The following PDSS2 variants were observed in gnomAD, a reference collection of about 807,000 sequenced individuals.
PDSS2 encodes decaprenyl diphosphate synthase subunit 2.
A neutral mutation model predicts 44.5 loss-of-function variants in PDSS2; 31 were observed. The ratio of observed to expected loss-of-function variants is 0.70; its 90% CI spans 0.52 to 0.94. PDSS2 has a LOEUF of 0.94. PDSS2 is among the 40% of genes least tolerant of loss of function. The probability of loss-of-function intolerance (pLI) is 0.00; values close to 1 mark genes in which losing one functional copy is unlikely to be tolerated. For missense variants in PDSS2, 452 were observed against 482.2 expected, an observed-to-expected ratio of 0.94 and a Z score of 0.59; for synonymous variants, 157 against 180.3, an observed-to-expected ratio of 0.87 and a Z score of 1.03.
chr6:107,307,285 A>G (rs759440282), intron 2 of PDSS2, among the ~76,000 whole-genome samples: 2 of 152,228 alleles, frequency 1.3e-5, no homozygotes, highest in Non-Finnish European at 2.9e-5. Context: ...AAAGCCTGGC[A>G]TGGATAAAAA....
At chr6:107,397,283 T>C (rs908600312) in intron 1 of PDSS2, among the ~76,000 whole-genome samples, 4 of 152,126 alleles carry the variant, frequency 2.6e-5, no homozygotes, top group East Asian at 1.9e-4. Flanking sequence ...CTAGCACTAA[T>C]AGTACAAAAG....
chr6:107,283,924 A>T (rs1562433951), intron 2 of PDSS2, among the ~76,000 whole-genome samples: 1 of 150,218 alleles, frequency 6.7e-6, no homozygotes, highest in Non-Finnish European at 1.5e-5. Flanking sequence ...GATCTCAGTT[A>T]CTGAGGCAGG....
chr6:107,397,376 T>A (rs1361172574), intron 1 of PDSS2, among the ~76,000 whole-genome samples: 1 of 152,192 alleles, frequency 6.6e-6, no homozygotes. Context: ...CAGTGCCATA[T>A]ACCCACAGTA....
chr6:107,307,250 A>T (rs1360593136), intron 2 of PDSS2, among the ~76,000 whole-genome samples: 1 of 152,210 alleles, frequency 6.6e-6, no homozygotes, highest in East Asian at 1.9e-4. Flanking sequence ...CCATAAACAC[A>T]ATCACAATCC....
At chr6:107,266,536 AC>A (rs534630520) in intron 3 of PDSS2, among the ~76,000 whole-genome samples, 83 of 152,306 alleles carry the variant, frequency 5.4e-4, no homozygotes, top group Admixed American at 9.8e-4. Context: ...TCAGAAAAAA[AC>A]ATATCATAGC....
intron 1 of PDSS2, among the ~76,000 whole-genome samples, chr6:107,402,577 A>G (rs1378009145): frequency 9.0e-6 from 1 of 110,862 alleles, no homozygotes; most frequent in African/African-American, 3.3e-5. Flanking sequence ...ATGTGTATAT[A>G]TATGAGGTTT....
In PDSS2 at chr6:107,440,470, G is replaced by A. The variant is rs182794110; in HGVS notation, c.296+18520C>T. ...GACAACATAGACAAGGTTCCAGCTA[G>A]GATCTATTGCTATAGAACACAGCTT... On this transcript the variant is annotated intron_variant, in intron 1 of 7. Coordinates refer to ENST00000369037, the MANE Select transcript of PDSS2 (RefSeq NM_020381.4). Among the ~76,000 whole-genome samples, 238 of 152,314 alleles carry A rather than the reference G, an allele frequency of 1.6e-3. 1 individual carries two copies. The highest frequency in any genetic ancestry group is 3.4e-3 in the Middle Eastern group (1 of 294).
rs111692320 is a variant in PDSS2, at chr6:107,194,539, C to T, written c.1009-685G>A. Among the ~76,000 whole-genome samples the T allele has an allele frequency of 1.8e-3, 281 of 152,276 alleles. 2 individuals are homozygous for T. Among genetic ancestry groups the T allele is most frequent in the African/African-American group, 6.2e-3 (259 of 41,556 alleles). On this transcript the variant is annotated intron_variant, in intron 6 of 7. Transcript: ENST00000369037. ...TTTGCTTGTAAACTGAAAGTTGGGT[C>T]TGGAGAAGGCTGCTAAGATTTAGGT...
chr6:107,332,465 T>TA (rs1240783752), intron 2 of PDSS2, among the ~76,000 whole-genome samples: 1 of 152,224 alleles, frequency 6.6e-6, no homozygotes, highest in Non-Finnish European at 1.5e-5. Flanking sequence ...GTAGATGTAC[T>TA]AAAGATGTGC....
intron 1 of PDSS2, among the ~76,000 whole-genome samples, chr6:107,437,002 TTTTC>T (rs1473075694): frequency 6.6e-6 from 1 of 152,108 alleles, no homozygotes. Context: ...TGGGTTTTTT[TTTTC>T]TTTCTTTTGA....
intron 1 of PDSS2, among the ~76,000 whole-genome samples, chr6:107,433,892 C>G (rs189740208): frequency 6.6e-6 from 1 of 152,230 alleles, no homozygotes; most frequent in African/African-American, 2.4e-5. Flanking sequence ...GGATTAATAA[C>G]AAGAATATAC....
intron 6 of PDSS2, among the ~76,000 whole-genome samples, chr6:107,201,527 A>T (rs1015883534): frequency 6.6e-6 from 1 of 152,162 alleles, no homozygotes; most frequent in Non-Finnish European, 1.5e-5. Context: ...TGGATGTACA[A>T]TGTGGTCTTT....
chr6:107,310,300 A>G (rs1413257355), intron 2 of PDSS2, among the ~76,000 whole-genome samples: 2 of 151,604 alleles, frequency 1.3e-5, no homozygotes, highest in Non-Finnish European at 2.9e-5. Flanking sequence ...AAAAAAAAAA[A>G]AAAAAGAGAA....
At chr6:107,392,732 C>G (rs1359408727) in intron 1 of PDSS2, among the ~76,000 whole-genome samples, 1 of 152,146 alleles carries the variant, frequency 6.6e-6, no homozygotes, top group African/African-American at 2.4e-5. Context: ...TTGTTGGGCA[C>G]CCTGAATTCC....
chr6:107,334,121 G>C, intron 2 of PDSS2, 77 bp downstream of exon 2: 1 of 1,220,006 alleles, frequency 8.2e-7, no homozygotes, highest in Non-Finnish European at 1.2e-6. Context: ...ACAAAGAATG[G>C]TGATTTCCAC....
intron 1 of PDSS2, among the ~76,000 whole-genome samples, chr6:107,368,716 C>T (rs1489231890): frequency 6.6e-6 from 1 of 152,012 alleles, no homozygotes; most frequent in Non-Finnish European, 1.5e-5. Context: ...GCATCACAGG[C>T]ACACACCTGT....
chr6:107,436,013 G>A (rs1169239081), intron 1 of PDSS2, among the ~76,000 whole-genome samples: 1 of 152,074 alleles, frequency 6.6e-6, no homozygotes, highest in Non-Finnish European at 1.5e-5. Context: ...AAATCCAGCT[G>A]CACTCCATAA....
At chr6:107,173,723 A>C (rs1771691733) in intron 7 of PDSS2, among the ~76,000 whole-genome samples, 1 of 151,992 alleles carries the variant, frequency 6.6e-6, no homozygotes. Context: ...TTAAATTTTA[A>C]TTTTCAGATG....
At chr6:107,400,016 T>C (rs758186734) in intron 1 of PDSS2, among the ~76,000 whole-genome samples, 1 of 152,090 alleles carries the variant, frequency 6.6e-6, no homozygotes, top group Non-Finnish European at 1.5e-5. Context: ...GGCAGCAGCT[T>C]GCACTGCAGG....
Sources: gnomAD v4.1 joint callset for allele counts (sites outside exome capture counted in the v4.1 genomes callset) on GRCh38, gnomAD v4.1.1 for gene constraint, MANE v1.5 for transcripts, NCBI Gene and HGNC (gene_info 2026-07-23, HGNC 2026-07-21) for gene names.